PSMC6: variants seen among roughly 807,000 people sequenced by gnomAD.
PSMC6 encodes the protein 26S proteasome regulatory subunit 10B.
PSMC6 carries 3 observed loss-of-function variants against 55.9 expected under a neutral mutation model. The ratio of observed to expected loss-of-function variants is 0.05; its 90% CI spans 0.02 to 0.14. The LOEUF (loss-of-function observed/expected upper bound fraction) is 0.14. PSMC6 is among the 10% of genes least tolerant of loss of function. The probability of loss-of-function intolerance (pLI) is 1.00; values close to 1 mark genes in which losing one functional copy is unlikely to be tolerated. For synonymous variants in PSMC6, 137 were observed against 155.9 expected, an observed-to-expected ratio of 0.88 and a Z score of 0.90; for missense variants, 210 against 478.7, an observed-to-expected ratio of 0.44 and a Z score of 5.24.
chr14:52,714,865 C>CAAA (rs373579933), intron 7 of PSMC6, among the ~76,000 whole-genome samples: 157 of 66,776 alleles, frequency 2.4e-3, no homozygotes, highest in Non-Finnish European at 3.0e-3. Flanking sequence ...GACTCCTTCT[C>CAAA]AAAAAAAAAA....
In PSMC6 at chr14:52,728,397, A is replaced by G. The variant is rs902779441; in HGVS notation, c.*780A>G. On this transcript the variant is annotated 3_prime_UTR_variant, in exon 14 of 14. Transcript: ENST00000445930. ...CTTCCAGGAAAAATTCTAACATACA[A>G]TTTTGCGTATACTATAATTTCAGGA... 4 of 152,174 alleles carry G rather than the reference A, an allele frequency of 2.6e-5. No individual in the cohort carries two copies. The highest frequency in any genetic ancestry group is 4.4e-5 in the Non-Finnish European group (3 of 68,036). 9.4% of individuals were successfully genotyped at this position (152,174 alleles called of 1,614,324 possible).
intron 9 of PSMC6, chr14:52,718,683 G>C (rs1165293649): frequency 2.4e-6 from 1 of 408,800 alleles, no homozygotes; most frequent in Non-Finnish European, 4.4e-6. Flanking sequence ...CTACTGAGGA[G>C]GCTGAGGCAC....
At chr14:52,718,407 AC>A (rs1418254007) in intron 9 of PSMC6, 55 bp downstream of exon 9, 2 of 1,535,998 alleles carry the variant, frequency 1.3e-6, no homozygotes, top group Non-Finnish European at 8.9e-7. Flanking sequence ...ATGTAAAAGA[AC>A]CTTTTTCCCT....
rs2041857524 is a variant in PSMC6, at chr14:52,718,711, A to G, written c.716-266A>G. 9.6e-6 allele frequency: 4 copies of G among 414,776 alleles called. No homozygotes were observed. The South Asian group carries it at 1.3e-4, about 13-fold the overall frequency. The allele number at this position is 414,776 out of a possible 1,614,324, so 25.7% of individuals were successfully genotyped here. ...TGAGGCACGAGAATCGCTTGAACCCAGGAGACGTAGGTTGCAGTGAGCCGA... is the reference window on the plus strand; with the variant it reads ...TGAGGCACGAGAATCGCTTGAACCCGGGAGACGTAGGTTGCAGTGAGCCGA... On this transcript the variant is annotated intron_variant, in intron 9 of 13. Coordinates refer to ENST00000445930, the MANE Select transcript of PSMC6 (RefSeq NM_002806.5).
In PSMC6 at chr14:52,728,288, G is replaced by A. The variant is rs538845083; in HGVS notation, c.*671G>A. 3.3e-5 allele frequency: 5 copies of A among 152,282 alleles called. No homozygotes were observed. The highest frequency in any genetic ancestry group is 1.9e-4 in the East Asian group (1 of 5,192). The allele number at this position is 152,282 out of a possible 1,614,324, so 9.4% of individuals were successfully genotyped here. On this transcript the variant is annotated 3_prime_UTR_variant, in exon 14 of 14. Coordinates refer to ENST00000445930, the MANE Select transcript of PSMC6 (RefSeq NM_002806.5). ...AACTTTTTAAAGAGTATGATTCAAC[G>A]TAATATTTGCTAATATGTGACTGGG... is the stretch of plus-strand genomic sequence containing the variant.
intron 9 of PSMC6, chr14:52,718,601 C>G: frequency 2.4e-6 from 1 of 424,264 alleles, no homozygotes; most frequent in Non-Finnish European, 4.3e-6. Flanking sequence ...ATCTGGCCAA[C>G]ATGGTGAAAC....
intron 7 of PSMC6, 25 bp downstream of exon 7, chr14:52,713,993 C>A: frequency 1.6e-6 from 2 of 1,282,600 alleles, no homozygotes; most frequent in South Asian, 1.3e-5. Flanking sequence ...ATTTCTACTC[C>A]ACCAATAAGA....
At chr14:52,711,821 C>G (rs1038119251) in intron 6 of PSMC6, among the ~76,000 whole-genome samples, 2 of 152,088 alleles carry the variant, frequency 1.3e-5, no homozygotes. Context: ...TTTTGATTAT[C>G]ATAATAAGTT....
chr14:52,726,775 G>A (rs1880432102), intron 13 of PSMC6, among the ~76,000 whole-genome samples: 1 of 151,872 alleles, frequency 6.6e-6, no homozygotes, highest in South Asian at 2.1e-4. Context: ...CCAAGTAGCT[G>A]GGGTTACAGA....
intron 6 of PSMC6, among the ~76,000 whole-genome samples, chr14:52,712,643 G>C (rs1232250770): frequency 6.6e-6 from 1 of 151,334 alleles, no homozygotes; most frequent in Non-Finnish European, 1.5e-5. Flanking sequence ...TTTCTTTTGA[G>C]ACAGGGTCTG....
chr14:52,723,941 A>G (rs763830826), intron 12 of PSMC6, 24 bp from the exon 13 acceptor site: 1 of 1,608,494 alleles, frequency 6.2e-7, no homozygotes, highest in South Asian at 1.1e-5. Flanking sequence ...TTTAAAACTA[A>G]TTTCCAGTAT....
At chr14:52,707,933 G>T (rs1475443978) in intron 1 of PSMC6, among the ~76,000 whole-genome samples, 2 of 152,120 alleles carry the variant, frequency 1.3e-5, no homozygotes, top group African/African-American at 4.8e-5. Flanking sequence ...ACTTTATTTA[G>T]GGTAGAATGT....
At chr14:52,714,834 C>G (rs951109073) in intron 7 of PSMC6, among the ~76,000 whole-genome samples, 3 of 143,358 alleles carry the variant, frequency 2.1e-5, no homozygotes, top group Non-Finnish European at 4.5e-5. Context: ...CCACTGCACT[C>G]CAGCCTGGCT....
At chr14:52,711,269 T>C in intron 5 of PSMC6, 101 bp downstream of exon 5, 1 of 1,359,658 alleles carries the variant, frequency 7.4e-7, no homozygotes. Context: ...TTGGCACTTT[T>C]TCCCTTTTAC....
chr14:52,719,071 C>A, intron 10 of PSMC6, 33 bp downstream of exon 10: 1 of 1,515,384 alleles, frequency 6.6e-7, no homozygotes, highest in Non-Finnish European at 9.1e-7. Context: ...TATAAAGAAA[C>A]CAATGTTTAT....
chr14:52,722,366 C>T (rs1402281028), intron 12 of PSMC6: 1 of 151,326 alleles, frequency 6.6e-6, no homozygotes, highest in Non-Finnish European at 1.5e-5. Context: ...GTTTATGACC[C>T]CCCTGCCCTT....
Position 52,718,257 on chromosome 14 carries a change from A to G in PSMC6, c.620A>G (p.Tyr207Cys). Residue 207 changes from tyrosine to cysteine, a missense_variant, in exon 9 of 14, where the codon TAC (tyrosine) becomes TGC (cysteine). By Grantham distance (194) the Tyr-to-Cys change is radical. Around this residue, in one of 4 missense-constraint regions of PSMC6, gnomAD observed 101 missense variants for 250.4 expected, o/e 0.40. Transcript: ENST00000445930. ...KVVSSSIVDK[Y>C]IGESARLIRE... is the part of the protein sequence containing the mutation. ...GTATCTAGTTCTATTGTAGACAAGT[A>G]CATTGGTGAAAGTGCTCGTTTGATC... The G allele has an allele frequency of 6.2e-7, 1 of 1,612,036 alleles. No individual in the cohort carries two copies. Among genetic ancestry groups the G allele is most frequent in the Non-Finnish European group, 8.5e-7 (1 of 1,178,108 alleles).
intron 4 of PSMC6, 90 bp from the exon 5 acceptor site, chr14:52,711,010 AT>A: frequency 1.2e-6 from 1 of 814,526 alleles, no homozygotes; most frequent in Non-Finnish European, 2.0e-6. Flanking sequence ...GAGGGTAAAA[AT>A]GAGTGTTTGG....
chr14:52,710,981 G>C (rs1367078470), intron 4 of PSMC6, 120 bp from the exon 5 acceptor site: 30 of 803,150 alleles, frequency 3.7e-5, no homozygotes, highest in Non-Finnish European at 5.5e-5. Flanking sequence ...TTTATAATCT[G>C]ATATTTGTGT....
Sources: allele counts gnomAD v4.1 joint callset (sites outside exome capture counted in the v4.1 genomes callset), GRCh38; gene constraint gnomAD v4.1.1; regional missense constraint gnomAD v4.1.1; transcripts MANE v1.5; gene names NCBI Gene and HGNC (gene_info 2026-07-23, HGNC 2026-07-21).